Variants in PDZD2 observed in about 807,000 individuals in gnomAD.
PDZD2 encodes PDZ domain-containing protein 2.
In PDZD2, 90 loss-of-function variants were observed where a neutral mutation model predicts 220.7. The observed-to-expected ratio is 0.41, with a 90% CI of 0.34 to 0.49. The LOEUF is 0.49. PDZD2 is among the 20% of genes least tolerant of loss of function. PDZD2 has a pLI of 0.28. For synonymous variants in PDZD2, 1,375 were observed against 1,450.5 expected, an observed-to-expected ratio of 0.95 and a Z score of 1.18; for missense variants, 3,174 against 3,608.5, an observed-to-expected ratio of 0.88 and a Z score of 3.08.
At position 31,670,873 on chromosome 5, in the gene PDZD2, C is replaced by T. The variant is rs557774532; in HGVS notation, c.-361+31436C>T. On this transcript the variant is annotated intron_variant, in intron 1 of 24. Coordinates refer to ENST00000438447, the MANE Select transcript of PDZD2 (RefSeq NM_178140.4). ...GAGGCAACTGCGGTGACAGCCAGGG[C>T]TCAAGCCCTCTGTGGATCGCTAAGA... 3.3e-5 allele frequency among the ~76,000 whole-genome samples: 5 copies of T among 152,220 alleles called. No homozygotes were observed. The South Asian group carries it at 8.3e-4, about 25-fold the overall frequency.
chr5:31,720,026 A>G (rs538009234), intron 1 of PDZD2, among the ~76,000 whole-genome samples: 74 of 152,304 alleles, frequency 4.9e-4, no homozygotes, highest in African/African-American at 1.7e-3. Flanking sequence ...TCTTTCACTC[A>G]TATCAGTGCC....
At chr5:32,008,927 C>G (rs113359413) in intron 5 of PDZD2, among the ~76,000 whole-genome samples, 1 of 151,588 alleles carries the variant, frequency 6.6e-6, no homozygotes, top group Non-Finnish European at 1.5e-5. Flanking sequence ...GAGCTGCTGG[C>G]GGAAAAGGCA....
chr5:31,910,477 G>A (rs888374041), intron 2 of PDZD2, among the ~76,000 whole-genome samples: 1 of 145,944 alleles, frequency 6.9e-6, no homozygotes, highest in Non-Finnish European at 1.5e-5. Flanking sequence ...CGCAAATTCC[G>A]CCTCCTGGGT....
chr5:31,993,454 T>A lies in PDZD2; in HGVS notation c.979-2122T>A, dbSNP rs144964403. Among the ~76,000 whole-genome samples the A allele has an allele frequency of 5.0e-3, 763 of 152,334 alleles. 9 individuals carry two copies. Among genetic ancestry groups the A allele is most frequent in the African/African-American group, 0.017 (701 of 41,574 alleles). ...CCCCAGACATTCCTATTGCTGCACA[T>A]CAATGACTGCCCAACATCTGTTTTT... On this transcript the variant is annotated intron_variant, in intron 3 of 24. Transcript: ENST00000438447.
intron 15 of PDZD2, 86 bp from the exon 16 acceptor site, chr5:32,071,298 C>T (rs77759732): frequency 0.031 from 29,682 of 961,004 alleles, 582 homozygotes; most frequent in Non-Finnish European, 0.041. Context: ...CTGTGTTTGC[C>T]GCCTCCTTTT....
At chr5:31,831,136 G>A (rs537314526) in intron 2 of PDZD2, among the ~76,000 whole-genome samples, 1 of 152,344 alleles carries the variant, frequency 6.6e-6, no homozygotes, top group Non-Finnish European at 1.5e-5. Flanking sequence ...ACATTTGAAA[G>A]TAATTGCTTG....
intron 1 of PDZD2, among the ~76,000 whole-genome samples, chr5:31,641,423 T>TA: frequency 6.6e-6 from 1 of 152,052 alleles, no homozygotes; most frequent in Non-Finnish European, 1.5e-5. Flanking sequence ...AGCTCTTAGG[T>TA]AGAAGTCGAG....
At chr5:31,883,294 C>T (rs1421320981) in intron 2 of PDZD2, among the ~76,000 whole-genome samples, 1 of 139,388 alleles carries the variant, frequency 7.2e-6, no homozygotes. Flanking sequence ...AATCTCAGCT[C>T]ACTTTAGCTT....
Position 31,883,023 on chromosome 5 carries a change from C to CAAAAA in PDZD2, c.476+83320_476+83324dup, listed in dbSNP as rs781370177. Among the ~76,000 whole-genome samples the CAAAAA allele has an allele frequency of 4.0e-3, 192 of 47,934 alleles. 8 individuals carry two copies. Among genetic ancestry groups the CAAAAA allele is most frequent in the African/African-American group, 0.013 (171 of 13,198 alleles). The allele number at this position is 47,934 out of a possible 152,430, so 31.4% of individuals were successfully genotyped here. On this transcript the variant is annotated intron_variant, in intron 2 of 24. Transcript: ENST00000438447. ...CCATCCTGGGTGACAGACTCTGTCT[C>CAAAAA]AAAAAAAAAAAAAAAAAAAAAAAAA...
At chr5:31,862,109 T>TG (rs1035236141) in intron 2 of PDZD2, among the ~76,000 whole-genome samples, 4 of 138,654 alleles carry the variant, frequency 2.9e-5, no homozygotes, top group African/African-American at 1.1e-4. Flanking sequence ...GGGTTTTTTT[T>TG]TTTTTTTTTT....
At chr5:31,850,762 G>A (rs983090574) in intron 2 of PDZD2, among the ~76,000 whole-genome samples, 2 of 149,436 alleles carry the variant, frequency 1.3e-5, no homozygotes, top group Admixed American at 6.8e-5. Context: ...TCAGCCTCCC[G>A]AGTAGCTGGG....
In PDZD2 at chr5:32,089,440, T is replaced by C. The variant is rs750911377; in HGVS notation, c.5992T>C (p.Trp1998Arg). The change falls in exon 20 of 25, where the codon TGG becomes CGG. Residue 1998 changes from tryptophan (W) to arginine (R), a missense_variant. This residue lies in a region of PDZD2 where 1,861 missense variants were observed against 2,001.0 expected (regional missense o/e 0.93). Transcript: ENST00000438447. ...SPKPVPEQGM[W>R]SRFHMAVLSE... ...CAAGCCTGTTCCTGAGCAAGGCATG[T>C]GGAGCAGGTTCCACATGGCTGTCCT... is the stretch of plus-strand genomic sequence containing the variant. 6.2e-7 allele frequency: 1 copy of C among 1,613,862 alleles called. No individual in the cohort carries two copies. Among genetic ancestry groups the C allele is most frequent in the Non-Finnish European group, 8.5e-7 (1 of 1,180,036 alleles).
intron 8 of PDZD2, among the ~76,000 whole-genome samples, chr5:32,051,721 A>C (rs1362269060): frequency 6.6e-6 from 1 of 152,178 alleles, no homozygotes; most frequent in African/African-American, 2.4e-5. Flanking sequence ...AGGAAGGGAA[A>C]GTGTGGCTCA....
rs200617786 is a variant in PDZD2, at chr5:32,110,048, T to A, written c.*1913T>A. 1.7e-4 allele frequency: 2 copies of A among 11,906 alleles called. No homozygotes were observed. Among genetic ancestry groups the A allele is most frequent in the African/African-American group, 2.2e-3 (2 of 894 alleles). 0.7% of individuals were successfully genotyped at this position (11,906 alleles called of 1,614,324 possible). A position where few individuals can be genotyped will look rare whatever the true frequency, so the allele number is the denominator to read the frequency against. ...AGGTGCATGCTTGATTGATAGATATTGATTGATTGTTTTTCAGTCTCTGGG... is the reference window on the plus strand; with the variant it reads ...AGGTGCATGCTTGATTGATAGATATAGATTGATTGTTTTTCAGTCTCTGGG... On this transcript the variant is annotated 3_prime_UTR_variant, in exon 25 of 25. Coordinates refer to ENST00000438447, the MANE Select transcript of PDZD2 (RefSeq NM_178140.4).
intron 9 of PDZD2, 52 bp from the exon 10 acceptor site, chr5:32,053,717 C>A: frequency 1.0e-6 from 1 of 984,056 alleles, no homozygotes; most frequent in South Asian, 1.3e-5. Context: ...GAAAGATGCC[C>A]TCAGTTAAAT....
intron 2 of PDZD2, among the ~76,000 whole-genome samples, chr5:31,896,679 T>A (rs932044977): frequency 2.6e-5 from 4 of 152,238 alleles, no homozygotes; most frequent in Non-Finnish European, 5.9e-5. Flanking sequence ...TTTTACTGGC[T>A]GAGTGCTATG....
chr5:31,911,786 G>A (rs1218932096), intron 2 of PDZD2, among the ~76,000 whole-genome samples: 1 of 152,202 alleles, frequency 6.6e-6, no homozygotes, highest in Non-Finnish European at 1.5e-5. Context: ...GTCCCCAGGA[G>A]CTGAGGGGAT....
intron 1 of PDZD2, among the ~76,000 whole-genome samples, chr5:31,684,876 G>A (rs1448254092): frequency 6.6e-6 from 1 of 152,144 alleles, no homozygotes; most frequent in African/African-American, 2.4e-5. Context: ...CACCCCCGTT[G>A]CCCTTTATCT....
Position 32,101,215 on chromosome 5 carries a change from T to C in PDZD2, c.8329T>C (p.Leu2777=). ...GKSSVTGDGP[L]VIKRVYKGGA... Reference sequence around the variant, plus strand: ...ATCATCGGTGACGGGAGATGGGCCCTTGGTCATTAAAAGAGTGTACAAAGG... The same window carrying C: ...ATCATCGGTGACGGGAGATGGGCCCCTGGTCATTAAAAGAGTGTACAAAGG... Residue 2777 remains leucine, a synonymous_variant, in exon 24 of 25, where the codon TTG becomes CTG. Coordinates refer to ENST00000438447, the MANE Select transcript of PDZD2 (RefSeq NM_178140.4). 2.5e-6 allele frequency: 4 copies of C among 1,613,778 alleles called. No homozygotes were observed. The highest frequency in any genetic ancestry group is 3.4e-6 in the Non-Finnish European group (4 of 1,179,798).
Sources: gnomAD v4.1 joint callset for allele counts (sites outside exome capture counted in the v4.1 genomes callset) on GRCh38, gnomAD v4.1.1 for gene constraint, gnomAD v4.1.1 regional missense constraint, MANE v1.5 for transcripts, NCBI Gene and HGNC (gene_info 2026-07-23, HGNC 2026-07-21) for gene names.